RIMBP2: variants seen among roughly 807,000 people sequenced by gnomAD.
RIMBP2 encodes RIMS-binding protein 2.
Under a neutral mutation model 118.6 loss-of-function variants are expected in RIMBP2, and 48 were observed. That is an observed-to-expected ratio of 0.40 (90% CI 0.32 to 0.51). The LOEUF (loss-of-function observed/expected upper bound fraction) is 0.51, where lower values mean the gene tolerates loss of function less well. RIMBP2 is among the 20% of genes least tolerant of loss of function. The probability of loss-of-function intolerance (pLI) is 0.41; values close to 1 mark genes in which losing one functional copy is unlikely to be tolerated. For missense variants in RIMBP2, 1,551 were observed against 1,768.3 expected (o/e 0.88, Z 2.20); for synonymous variants, 762 against 742.9 (o/e 1.03, Z -0.42).
chr12:130,416,840 G>T (rs1238709638), intron 17 of RIMBP2, among the ~76,000 whole-genome samples: 1 of 152,050 alleles, frequency 6.6e-6, no homozygotes, highest in Non-Finnish European at 1.5e-5. Flanking sequence ...CTAGTGTCCG[G>T]AATCTGCAAG....
chr12:130,713,587 A>T (rs1950118560), intron 1 of RIMBP2, among the ~76,000 whole-genome samples: 1 of 152,254 alleles, frequency 6.6e-6, no homozygotes, highest in African/African-American at 2.4e-5. Flanking sequence ...CTGCTTGATC[A>T]ACAAGAGACC....
chr12:130,559,013 T>C (rs746828515), intron 2 of RIMBP2, among the ~76,000 whole-genome samples: 48 of 152,318 alleles, frequency 3.2e-4, no homozygotes, highest in African/African-American at 7.0e-4. Flanking sequence ...TTATCTTCTC[T>C]TATGCCAATA....
chr12:130,450,852 G>A lies in RIMBP2; in HGVS notation c.504+343C>T, dbSNP rs2078944200. Among the ~76,000 whole-genome samples the A allele has an allele frequency of 6.6e-6, 1 of 152,056 alleles. No homozygotes were observed. Among genetic ancestry groups the A allele is most frequent in the African/African-American group, 2.4e-5 (1 of 41,402 alleles). Reference sequence around the variant, plus strand: ...CAATGCCACAGGACAGGACGCGCAGGGCCCTCCCCAACCTCCACAGGCCCC... The same window carrying A: ...CAATGCCACAGGACAGGACGCGCAGAGCCCTCCCCAACCTCCACAGGCCCC... On this transcript the variant is annotated intron_variant, in intron 8 of 22. Transcript: ENST00000690449. The surrounding 1 kb of genome is among the most constrained non-coding windows in gnomAD (Gnocchi z 4.8).
chr12:130,449,808 G>A (rs992334968), intron 9 of RIMBP2, among the ~76,000 whole-genome samples: 7 of 152,126 alleles, frequency 4.6e-5, no homozygotes, highest in Non-Finnish European at 1.0e-4. Context: ...GGAGGATGGA[G>A]GCAGAGACTG....
At chr12:130,427,094 C>T (rs1489686453) in intron 15 of RIMBP2, 1 of 152,260 alleles carries the variant, frequency 6.6e-6, no homozygotes, top group Non-Finnish European at 1.5e-5. Context: ...CCCCCAAGGC[C>T]CTGCCAGGGG....
intron 2 of RIMBP2, among the ~76,000 whole-genome samples, chr12:130,589,349 A>G (rs559500451): frequency 2.1e-5 from 3 of 142,418 alleles, no homozygotes; most frequent in African/African-American, 7.4e-5. Context: ...GAATAGAAAG[A>G]CTCTTTAAAA....
intron 1 of RIMBP2, among the ~76,000 whole-genome samples, chr12:130,645,730 G>A (rs957123630): frequency 5.3e-5 from 8 of 152,202 alleles, no homozygotes; most frequent in South Asian, 4.1e-4. Context: ...GGATCAAACC[G>A]TGCCTGATCT....
chr12:130,477,817 G>A (rs2081570085), intron 5 of RIMBP2, among the ~76,000 whole-genome samples: 1 of 152,214 alleles, frequency 6.6e-6, no homozygotes, highest in South Asian at 2.1e-4. Flanking sequence ...ATGGATCGAG[G>A]GGCCACCTAG....
chr12:130,473,052 G>A (rs1763563524), intron 5 of RIMBP2, among the ~76,000 whole-genome samples: 1 of 152,182 alleles, frequency 6.6e-6, no homozygotes, highest in Non-Finnish European at 1.5e-5. Context: ...GTTTTCAACT[G>A]GCAGGATTGA....
chr12:130,671,364 G>A (rs1161813333), intron 1 of RIMBP2, among the ~76,000 whole-genome samples: 5 of 152,070 alleles, frequency 3.3e-5, no homozygotes, highest in South Asian at 2.1e-4. Flanking sequence ...TCTGACTTGC[G>A]TCTTTCCCTC....
intron 1 of RIMBP2, among the ~76,000 whole-genome samples, chr12:130,649,702 C>T (rs2063145157): frequency 6.6e-6 from 1 of 152,156 alleles, no homozygotes; most frequent in South Asian, 2.1e-4. Flanking sequence ...CCACTTTCAG[C>T]CCTGGAGATC....
intron 9 of RIMBP2, among the ~76,000 whole-genome samples, chr12:130,449,389 G>A (rs1196696608): frequency 6.6e-6 from 1 of 152,240 alleles, no homozygotes; most frequent in East Asian, 1.9e-4. Flanking sequence ...AGAGGTGTGC[G>A]GGACAAAACT....
intron 1 of RIMBP2, among the ~76,000 whole-genome samples, chr12:130,655,605 G>A (rs1377658205): frequency 6.6e-6 from 1 of 152,182 alleles, no homozygotes; most frequent in African/African-American, 2.4e-5. Context: ...GTTTGTAAAT[G>A]TTGCATAGAC....
chr12:130,405,723 GA>G (rs1404493994), intron 21 of RIMBP2, among the ~76,000 whole-genome samples: 1 of 151,984 alleles, frequency 6.6e-6, no homozygotes, highest in Admixed American at 6.5e-5. Context: ...GTTGGCTCTA[GA>G]AAAAAGGTAA....
chr12:130,571,146 G>C (rs1415951254), intron 2 of RIMBP2, among the ~76,000 whole-genome samples: 2 of 149,704 alleles, frequency 1.3e-5, no homozygotes, highest in South Asian at 4.3e-4. Context: ...GGAGGAAAGA[G>C]AGATATAGGC....
At chr12:130,583,485 C>T (rs2058608856) in intron 2 of RIMBP2, among the ~76,000 whole-genome samples, 1 of 151,350 alleles carries the variant, frequency 6.6e-6, no homozygotes, top group African/African-American at 2.4e-5. Context: ...ATCACCATCA[C>T]CTCATCACCA....
chr12:130,556,804 G>A (rs1024699692), intron 2 of RIMBP2, among the ~76,000 whole-genome samples: 1 of 152,180 alleles, frequency 6.6e-6, no homozygotes, highest in Non-Finnish European at 1.5e-5. Context: ...ACAGTGTGGA[G>A]AGGAGCAGGA....
At chr12:130,399,062 G>T in intron 22 of RIMBP2, 1 of 1,012,494 alleles carries the variant, frequency 9.9e-7, no homozygotes, top group Non-Finnish European at 1.4e-6. Flanking sequence ...CACTGGCCCG[G>T]TTAAGGTAGC....
chr12:130,484,843 G>A (rs900664529), intron 4 of RIMBP2, among the ~76,000 whole-genome samples: 4 of 152,240 alleles, frequency 2.6e-5, no homozygotes, highest in South Asian at 2.1e-4. Context: ...ATACTGGCCC[G>A]CTGTGTGGTC....
Sources: allele counts gnomAD v4.1 joint callset (sites outside exome capture counted in the v4.1 genomes callset), GRCh38; gene constraint gnomAD v4.1.1; non-coding constraint Gnocchi (gnomAD v3.1); transcripts MANE v1.5; gene names NCBI Gene and HGNC (gene_info 2026-07-23, HGNC 2026-07-21).